Variants in ZNF26 observed in about 807,000 individuals in gnomAD.
The protein encoded by ZNF26 is epididymis luminal protein 179.
In ZNF26, 32 loss-of-function variants were observed where a neutral mutation model predicts 54.9. The ratio of observed to expected loss-of-function variants is 0.58; its 90% CI spans 0.44 to 0.78. The LOEUF (loss-of-function observed/expected upper bound fraction) is 0.78, where lower values mean the gene tolerates loss of function less well. Among genes scored for constraint, ZNF26 ranks in the 30% least tolerant of loss-of-function variants. The probability of loss-of-function intolerance (pLI) is 0.00; values close to 1 mark genes in which losing one functional copy is unlikely to be tolerated. For synonymous variants in ZNF26, 221 were observed against 209.2 expected, an observed-to-expected ratio of 1.06 and a Z score of -0.49; for missense variants, 524 against 634.0, an observed-to-expected ratio of 0.83 and a Z score of 1.86.
chr12:132,991,645 CCTAA>C (rs2137213129), intron 1 of ZNF26, among the ~76,000 whole-genome samples: 1 of 29,452 alleles, frequency 3.4e-5, no homozygotes, highest in East Asian at 5.0e-3. Context: ...AAAAAAAAAA[CCTAA>C]AAAAAAAACC....
Position 133,000,949 on chromosome 12 carries a change from T to C in ZNF26, c.34-6093T>C, listed in dbSNP as rs1168191752. The stretch of plus-strand genomic sequence containing the variant: ...CCTGGTCTACCCGCTGCTCCTGGTC[T>C]ACCTGCTATCTGCTGTGCACCTTCC... On this transcript the variant is annotated intron_variant, in intron 1 of 3. Coordinates refer to ENST00000328654, the MANE Select transcript of ZNF26 (RefSeq NM_019591.4). Among the ~76,000 whole-genome samples, 4 of 152,136 alleles carry C rather than the reference T, an allele frequency of 2.6e-5. No homozygotes were observed. In the East Asian group the frequency reaches 5.8e-4, roughly 22 times the overall value.
intron 1 of ZNF26, among the ~76,000 whole-genome samples, chr12:133,000,628 G>GTTA (rs1194165232): frequency 6.6e-6 from 1 of 151,996 alleles, no homozygotes; most frequent in African/African-American, 2.4e-5. Flanking sequence ...GTTTCACCAT[G>GTTA]TTAGCCAGGA....
chr12:133,010,340 A>G lies in ZNF26; in HGVS notation c.461A>G (p.His154Arg), dbSNP rs1183593974. ...TTAAGAAAGAATCCTGATAAGTTTCATGGTTATGAAGAACCATATTTTCTT... is the reference window on the plus strand; with the variant it reads ...TTAAGAAAGAATCCTGATAAGTTTCGTGGTTATGAAGAACCATATTTTCTT... ...SYLRKNPDKF[H>R]GYEEPYFLKH... Residue 154 changes from histidine (H) to arginine (R), a missense_variant, in exon 4 of 4, where the codon CAT (histidine) becomes CGT (arginine). Coordinates refer to ENST00000328654, the MANE Select transcript of ZNF26 (RefSeq NM_019591.4). The G allele has an allele frequency of 1.9e-6, 3 of 1,613,846 alleles. No homozygotes were observed. Among genetic ancestry groups the G allele is most frequent in the Non-Finnish European group, 2.5e-6 (3 of 1,180,008 alleles).
chr12:133,014,932 A>T lies in ZNF26; in HGVS notation c.*3451A>T, dbSNP rs1953546055. 6.6e-6 allele frequency: 1 copy of T among 152,252 alleles called. No homozygotes were observed. Among genetic ancestry groups the T allele is most frequent in the Non-Finnish European group, 1.5e-5 (1 of 68,058 alleles). The allele number at this position is 152,252 out of a possible 1,614,324, so 9.4% of individuals were successfully genotyped here. ...TATGGCAAGGGGAAGAACAAAAGTC[A>T]GGAACTTTGCCATAATCTAGAAGAA... On this transcript the variant is annotated 3_prime_UTR_variant, in exon 4 of 4. Coordinates refer to ENST00000328654, the MANE Select transcript of ZNF26 (RefSeq NM_019591.4).
At position 133,019,331 on chromosome 12, in the gene ZNF26, A is replaced by T. The variant is rs1198815652; in HGVS notation, c.*7850A>T. The T allele has an allele frequency of 2.4e-5, 1 of 41,658 alleles. No individual in the cohort carries two copies. Among genetic ancestry groups the T allele is most frequent in the African/African-American group, 5.0e-5 (1 of 19,918 alleles). The allele number at this position is 41,658 out of a possible 1,614,324, so 2.6% of individuals were successfully genotyped here. On this transcript the variant is annotated 3_prime_UTR_variant, in exon 4 of 4. Coordinates refer to ENST00000328654, the MANE Select transcript of ZNF26 (RefSeq NM_019591.4). The stretch of plus-strand genomic sequence containing the variant: ...CCAGAATATACAGGGAGCTCAAACA[A>T]CTCTATAGCAAAAACAAAGAAAAAT...
At position 133,001,350 on chromosome 12, in the gene ZNF26, G is replaced by A. The variant is rs1953215341; in HGVS notation, c.34-5692G>A. On this transcript the variant is annotated intron_variant, in intron 1 of 3. Transcript: ENST00000328654. This position sits in a 1 kb window ranked among gnomAD's most constrained non-coding sequence, Gnocchi z 4.7. ...TCTAGCCTGCAGAGGGGAGATGGAG[G>A]AGGCTTGTCTGTATTCCCACTTCAT... 6.6e-6 allele frequency among the ~76,000 whole-genome samples: 1 copy of A among 152,202 alleles called. No individual in the cohort carries two copies. Among genetic ancestry groups the A allele is most frequent in the African/African-American group, 2.4e-5 (1 of 41,462 alleles).
At position 133,022,428 on chromosome 12, in the gene ZNF26, G is replaced by C. The variant is rs1953656177; in HGVS notation, c.*10947G>C. The C allele has an allele frequency of 6.6e-6, 1 of 151,944 alleles. No individual in the cohort carries two copies. The highest frequency in any genetic ancestry group is 2.4e-5 in the African/African-American group (1 of 41,376). 9.4% of individuals were successfully genotyped at this position (151,944 alleles called of 1,614,324 possible). ...GTTCAGCATCTTGAAGGTGGTTGTT[G>C]ATACATGAACCTACACTGGTGATAA... On this transcript the variant is annotated 3_prime_UTR_variant, in exon 4 of 4. Coordinates refer to ENST00000328654, the MANE Select transcript of ZNF26 (RefSeq NM_019591.4).
Position 133,010,378 on chromosome 12 carries a change from G to A in ZNF26, c.499G>A (p.Ala167Thr), listed in dbSNP as rs1337571761. The A allele has an allele frequency of 6.2e-7, 1 of 1,614,000 alleles. No homozygotes were observed. Among genetic ancestry groups the A allele is most frequent in the East Asian group, 2.2e-5 (1 of 44,892 alleles). ...ACCATATTTTCTTAAGCATCAAAGA[G>A]CTCATAGCATAGAAAAAAACTGTGT... is the stretch of plus-strand genomic sequence containing the variant. Reference protein sequence around the residue: ...EEPYFLKHQRAHSIEKNCVCS... With the variant: ...EEPYFLKHQRTHSIEKNCVCS... Residue 167 changes from alanine to threonine, a missense_variant, in exon 4 of 4, where the codon GCT becomes ACT. Transcript: ENST00000328654.
At chr12:133,008,969 G>A (rs973263843) in intron 3 of ZNF26, among the ~76,000 whole-genome samples, 12 of 151,930 alleles carry the variant, frequency 7.9e-5, no homozygotes, top group Non-Finnish European at 1.8e-4. Flanking sequence ...GGAGTAAGGC[G>A]GGGCGGGGAA....
chr12:132,996,396 C>A (rs955427221), intron 1 of ZNF26, among the ~76,000 whole-genome samples: 3 of 152,216 alleles, frequency 2.0e-5, no homozygotes, highest in Non-Finnish European at 4.4e-5. Flanking sequence ...TCTTTTCTCT[C>A]GCAATTTTAG....
intron 1 of ZNF26, among the ~76,000 whole-genome samples, chr12:133,002,249 C>A (rs892662151): frequency 6.6e-6 from 1 of 152,132 alleles, no homozygotes; most frequent in Admixed American, 6.5e-5. Context: ...TGTCTCTCAG[C>A]GTGCCATGCT....
Position 133,007,059 on chromosome 12 carries a change from G to A in ZNF26, c.51G>A (p.Lys17=). ...TASCWGLLSF[K]DISMEFTWDE... is the part of the protein sequence containing the mutation. ...TATTTCAGGGATTATTGTCATTCAA[G>A]GATATATCTATGGAGTTCACCTGGG... is the stretch of plus-strand genomic sequence containing the variant. The change falls in exon 2 of 4, where the codon AAG becomes AAA. Residue 17 remains lysine (K), a synonymous_variant. Coordinates refer to ENST00000328654, the MANE Select transcript of ZNF26 (RefSeq NM_019591.4). 1 of 1,614,144 alleles carries A rather than the reference G, an allele frequency of 6.2e-7. No individual in the cohort carries two copies. Among genetic ancestry groups the A allele is most frequent in the Non-Finnish European group, 8.5e-7 (1 of 1,180,010 alleles).
At chr12:133,000,082 G>A (rs1444314602) in intron 1 of ZNF26, among the ~76,000 whole-genome samples, 25 of 151,952 alleles carry the variant, frequency 1.6e-4, no homozygotes, top group Admixed American at 1.5e-3. Flanking sequence ...CAGCATATAT[G>A]TCCCATTACA....
intron 1 of ZNF26, among the ~76,000 whole-genome samples, chr12:132,987,478 A>G (rs998719196): frequency 3.9e-5 from 6 of 152,108 alleles, no homozygotes; most frequent in Non-Finnish European, 7.4e-5. Context: ...GATGGAGTGA[A>G]CCAGAGGGGA....
chr12:133,004,455 C>T (rs1262723803), intron 1 of ZNF26: 1 of 151,928 alleles, frequency 6.6e-6, no homozygotes, highest in Non-Finnish European at 1.5e-5. Context: ...CCCACCAATT[C>T]TTTCTGTGTC....
At chr12:132,993,750 G>A (rs990879074) in intron 1 of ZNF26, among the ~76,000 whole-genome samples, 19 of 152,052 alleles carry the variant, frequency 1.2e-4, no homozygotes, top group Non-Finnish European at 1.9e-4. Context: ...GCCACGGCGC[G>A]TGGTTGCCCT....
In ZNF26 at chr12:133,007,175, A is replaced by C; in HGVS notation, c.160+7A>C. The C allele has an allele frequency of 6.2e-7, 1 of 1,613,332 alleles. No homozygotes were observed. Among genetic ancestry groups the C allele is most frequent in the Non-Finnish European group, 8.5e-7 (1 of 1,179,300 alleles). ...CATAACCTGATATCAGTGGGTAAGT[A>C]CTGCGTCTCAATGTTACTCAGATAG... On this transcript the variant is annotated splice_region_variant and intron_variant, in intron 2 of 3. Transcript: ENST00000328654.
rs1024759815 is a variant in ZNF26 at position 133,017,177 on chromosome 12, T to A, written c.*5696T>A. 3 of 152,000 alleles carry A rather than the reference T, an allele frequency of 2.0e-5. No homozygotes were observed. The highest frequency in any genetic ancestry group is 4.4e-5 in the Non-Finnish European group (3 of 68,002). 9.4% of individuals were successfully genotyped at this position (152,000 alleles called of 1,614,324 possible). A position where few individuals can be genotyped will look rare whatever the true frequency, so the allele number is the denominator to read the frequency against. ...AAATATGGAAATAAGCCCCAGAAAA[T>A]AACAGTATGTAACATTGGAAGAAGT... On this transcript the variant is annotated 3_prime_UTR_variant, in exon 4 of 4. Coordinates refer to ENST00000328654, the MANE Select transcript of ZNF26 (RefSeq NM_019591.4).
chr12:133,011,560 C>CCA lies in ZNF26; in HGVS notation c.*80_*81insAC. 1 of 1,399,054 alleles carries CCA rather than the reference C, an allele frequency of 7.1e-7. No individual in the cohort carries two copies. Among genetic ancestry groups the CCA allele is most frequent in the Non-Finnish European group, 9.4e-7 (1 of 1,060,796 alleles). The allele number at this position is 1,399,054 out of a possible 1,614,324, so 86.7% of individuals were successfully genotyped here. ...ATAGACAGGATTTACAAGCAGGAGG[C>CCA]CCTAAAATTACACTCATGTCAAAAA... On this transcript the variant is annotated 3_prime_UTR_variant, in exon 4 of 4. Coordinates refer to ENST00000328654, the MANE Select transcript of ZNF26 (RefSeq NM_019591.4).
Sources: gnomAD v4.1 joint callset for allele counts (sites outside exome capture counted in the v4.1 genomes callset) on GRCh38, gnomAD v4.1.1 for gene constraint, Gnocchi (gnomAD v3.1) non-coding constraint, MANE v1.5 for transcripts, NCBI Gene and HGNC (gene_info 2026-07-23, HGNC 2026-07-21) for gene names.